The following DRC3 variants were observed in gnomAD, a reference collection of about 807,000 sequenced individuals.
DRC3 encodes leucine rich repeat containing 48.
DRC3 carries 45 observed loss-of-function variants against 57.6 expected under a neutral mutation model. The ratio of observed to expected loss-of-function variants is 0.78; its 90% CI spans 0.62 to 1.00. DRC3 has a LOEUF of 1.00. DRC3 is among the 50% of genes least tolerant of loss of function. The pLI is 0.00. For missense variants in DRC3, 655 were observed against 675.2 expected, an observed-to-expected ratio of 0.97 and a Z score of 0.33; for synonymous variants, 257 against 272.3, an observed-to-expected ratio of 0.94 and a Z score of 0.55.
At chr17:18,003,015 G>A (rs190295187) in intron 9 of DRC3, among the ~76,000 whole-genome samples, 4 of 152,268 alleles carry the variant, frequency 2.6e-5, no homozygotes, top group East Asian at 1.9e-4. Flanking sequence ...CGTTAGGGCC[G>A]AAAGCTTATA....
In DRC3 at chr17:17,987,949, A is replaced by G. The variant is rs370251055; in HGVS notation, c.295A>G (p.Ile99Val). The G allele has an allele frequency of 5.0e-6, 8 of 1,613,800 alleles. No individual in the cohort carries two copies. The African/African-American group carries it at 1.1e-4, about 22-fold the overall frequency. ...LVWLDLSFNNIETIEGLDTLV... is the reference protein window; with the variant it reads ...LVWLDLSFNNVETIEGLDTLV... ...CTTCCCAGATCTGTCTTTCAACAAC[A>G]TTGAGACCATCGAGGGGCTGGACAC... The change falls in exon 5 of 14, where the codon ATT becomes GTT. Residue 99 changes from isoleucine (I) to valine (V), a missense_variant. Ile to Val is a conservative substitution (Grantham distance 29, BLOSUM62 3). Coordinates refer to ENST00000399187, the MANE Select transcript of DRC3 (RefSeq NM_031294.4).
At chr17:18,006,073 T>C (rs144457461) in intron 10 of DRC3, 110 bp from the exon 11 acceptor site, 21 of 751,506 alleles carry the variant, frequency 2.8e-5, no homozygotes, top group Middle Eastern at 2.2e-4. Flanking sequence ...GTGGTCTTTA[T>C]GCTGAAGGTC....
In DRC3 at chr17:17,988,050, G is replaced by A. The variant is rs2043044567; in HGVS notation, c.396G>A (p.Lys132=). ...SKIDSLDALV[K]LQVLSLGNNR... ...TCGACTCCCTGGACGCCCTCGTCAA[G>A]CTGCAGGTGTTGTCGCTGGGCAACA... The change falls in exon 5 of 14, where the codon AAG becomes AAA. Residue 132 remains lysine (K), a synonymous_variant. Transcript: ENST00000399187. 1 of 1,613,982 alleles carries A rather than the reference G, an allele frequency of 6.2e-7. No individual in the cohort carries two copies. The highest frequency in any genetic ancestry group is 8.5e-7 in the Non-Finnish European group (1 of 1,179,896).
At chr17:17,975,535 G>T (rs2145175168) in intron 2 of DRC3, among the ~76,000 whole-genome samples, 1 of 120,114 alleles carries the variant, frequency 8.3e-6, no homozygotes, top group East Asian at 2.5e-4. Context: ...CAAAAAAAAG[G>T]CCAAACACTT....
At chr17:17,979,961 G>A (rs2042579389) in intron 3 of DRC3, among the ~76,000 whole-genome samples, 2 of 151,982 alleles carry the variant, frequency 1.3e-5, no homozygotes, top group Admixed American at 6.6e-5. Context: ...GTCCCACCCA[G>A]CCCTGGGAAC....
intron 12 of DRC3, among the ~76,000 whole-genome samples, chr17:18,014,782 T>G (rs149311300): frequency 6.6e-6 from 1 of 152,318 alleles, no homozygotes; most frequent in African/African-American, 2.4e-5. Context: ...CACCCACTCC[T>G]AAGCACACTG....
chr17:17,995,353 C>T (rs2043415972), intron 8 of DRC3, among the ~76,000 whole-genome samples: 1 of 152,176 alleles, frequency 6.6e-6, no homozygotes, highest in South Asian at 2.1e-4. Context: ...CATGGGCTGG[C>T]CATGTTTGGC....
At chr17:18,009,223 G>A (rs1199754279) in intron 12 of DRC3, among the ~76,000 whole-genome samples, 6 of 152,144 alleles carry the variant, frequency 3.9e-5, no homozygotes, top group African/African-American at 1.4e-4. Context: ...AGACCAGCCT[G>A]GGTAACATAG....
rs1051524322 is a variant in DRC3 at position 18,008,096 on chromosome 17, C to A, written c.1326+949C>A. The stretch of plus-strand genomic sequence containing the variant: ...TGCCCATCTGGGCGATTCCCACCCC[C>A]AGAACCCTCACTCCTGATGCTCAGC... On this transcript the variant is annotated intron_variant, in intron 12 of 13. Coordinates refer to ENST00000399187, the MANE Select transcript of DRC3 (RefSeq NM_031294.4). The surrounding 1 kb of genome is among the most constrained non-coding windows in gnomAD (Gnocchi z 4.3). Among the ~76,000 whole-genome samples the A allele has an allele frequency of 2.2e-4, 34 of 152,236 alleles. No individual in the cohort carries two copies. The highest frequency in any genetic ancestry group is 8.0e-4 in the African/African-American group (33 of 41,456).
chr17:18,005,418 C>G (rs906095591), intron 10 of DRC3: 1 of 152,368 alleles, frequency 6.6e-6, no homozygotes, highest in Non-Finnish European at 1.5e-5. Flanking sequence ...CCCTGCCCAC[C>G]TTGCAGCCCC....
At chr17:17,979,729 G>C (rs969867946) in intron 3 of DRC3, among the ~76,000 whole-genome samples, 2 of 152,200 alleles carry the variant, frequency 1.3e-5, no homozygotes, top group South Asian at 4.1e-4. Context: ...TGTCAGATCA[G>C]GGCCAGAAAA....
rs955659837 is a variant in DRC3 at position 18,008,209 on chromosome 17, A to G, written c.1326+1062A>G. 1.3e-5 allele frequency among the ~76,000 whole-genome samples: 2 copies of G among 152,160 alleles called. No individual in the cohort carries two copies. Among genetic ancestry groups the G allele is most frequent in the African/African-American group, 4.8e-5 (2 of 41,426 alleles). On this transcript the variant is annotated intron_variant, in intron 12 of 13. Coordinates refer to ENST00000399187, the MANE Select transcript of DRC3 (RefSeq NM_031294.4). The surrounding 1 kb of genome is among the most constrained non-coding windows in gnomAD (Gnocchi z 4.3). ...GCAGACACGCTCTTCCTAGGTCCCC[A>G]TGTGCCTGGCTTGTCCTTGTCATTC...
In DRC3 at chr17:17,997,472, G is replaced by A; in HGVS notation, c.837G>A (p.Lys279=). ...VGELLETYKD[K]FVIICVNIFE... ...AACAGCCACTCACCTACAAGGACAA[G>A]TTTGTCATCATCTGCGTGAATATTT... The change falls in exon 9 of 14, where the codon AAG becomes AAA. Residue 279 remains lysine, a synonymous_variant. Coordinates refer to ENST00000399187, the MANE Select transcript of DRC3 (RefSeq NM_031294.4). 1 of 1,613,308 alleles carries A rather than the reference G, an allele frequency of 6.2e-7. No homozygotes were observed. The highest frequency in any genetic ancestry group is 8.5e-7 in the Non-Finnish European group (1 of 1,179,692).
rs777124831 is a variant in DRC3, at chr17:18,016,656, C to T, written c.1557C>T (p.Gly519=). The T allele has an allele frequency of 3.6e-5, 58 of 1,610,394 alleles. No homozygotes were observed. The highest frequency in any genetic ancestry group is 4.8e-5 in the Non-Finnish European group (56 of 1,176,954). ...MQSELDNLEC[G]DILD Reference sequence around the variant, plus strand: ...GCGAACTGGACAACCTGGAATGTGGCGACATCCTAGACTAGATGAATGTCA... The same window carrying T: ...GCGAACTGGACAACCTGGAATGTGGTGACATCCTAGACTAGATGAATGTCA... Residue 519 remains glycine, a synonymous_variant, in exon 14 of 14, where the codon GGC becomes GGT. Coordinates refer to ENST00000399187, the MANE Select transcript of DRC3 (RefSeq NM_031294.4).
Position 18,016,751 on chromosome 17 carries a change from C to A in DRC3, c.*80C>A. ...GAAGGAAGTGCACACGCCTCACCCG[C>A]ACCTCTAGAGAGTTGCTGGGCATCT... is the stretch of plus-strand genomic sequence containing the variant. On this transcript the variant is annotated 3_prime_UTR_variant, in exon 14 of 14. Coordinates refer to ENST00000399187, the MANE Select transcript of DRC3 (RefSeq NM_031294.4). The A allele has an allele frequency of 1.2e-6, 1 of 852,084 alleles. No homozygotes were observed. The highest frequency in any genetic ancestry group is 1.9e-6 in the Non-Finnish European group (1 of 521,460). The allele number at this position is 852,084 out of a possible 1,614,324, so 52.8% of individuals were successfully genotyped here. A position where few individuals can be genotyped will look rare whatever the true frequency, so the allele number is the denominator to read the frequency against.
At chr17:17,973,048 C>T (rs2042202015) in intron 1 of DRC3, 74 bp downstream of exon 1, 1 of 152,026 alleles carries the variant, frequency 6.6e-6, no homozygotes, top group Non-Finnish European at 1.5e-5. Context: ...TTTCCTGTGA[C>T]CTTTTTCTCG....
rs747234839 is a variant in DRC3 at position 17,997,604 on chromosome 17, G to T, written c.969G>T (p.Lys323Asn). ...AAAACCAGGAGCAGGGCAAACGCAAGATTGCCAAATTCGAGGAGAAGCACT... is the reference window on the plus strand; with the variant it reads ...AAAACCAGGAGCAGGGCAAACGCAATATTGCCAAATTCGAGGAGAAGCACT... ...IQENQEQGKR[K>N]IAKFEEKHLS... The change falls in exon 9 of 14, where the codon AAG becomes AAT. Residue 323 changes from lysine (K) to asparagine (N), a missense_variant. Physicochemically the swap from Lys to Asn is moderately conservative, Grantham distance 94. Transcript: ENST00000399187. 2.5e-6 allele frequency: 4 copies of T among 1,609,862 alleles called. No homozygotes were observed. The highest frequency in any genetic ancestry group is 1.7e-4 in the Middle Eastern group (1 of 6,038).
chr17:18,016,523 GATGTAA>G, intron 13 of DRC3, 29 bp from the exon 14 acceptor site: 1 of 1,415,120 alleles, frequency 7.1e-7, no homozygotes, highest in South Asian at 1.2e-5. Context: ...CCAATGATCT[GATGTAA>G]GGAATCGGGC....
intron 12 of DRC3, among the ~76,000 whole-genome samples, chr17:18,014,118 C>G (rs1185019541): frequency 6.6e-6 from 1 of 152,032 alleles, no homozygotes; most frequent in Non-Finnish European, 1.5e-5. Context: ...TTTTTATTCA[C>G]CATATTGGCC....
Sources: gnomAD v4.1 joint callset for allele counts (sites outside exome capture counted in the v4.1 genomes callset) on GRCh38, gnomAD v4.1.1 for gene constraint, Gnocchi (gnomAD v3.1) non-coding constraint, MANE v1.5 for transcripts, NCBI Gene and HGNC (gene_info 2026-07-23, HGNC 2026-07-21) for gene names.